Variants in FOXN3 observed in about 807,000 individuals in gnomAD.
FOXN3 encodes forkhead box protein N3.
FOXN3 carries 7 observed loss-of-function variants against 38.4 expected under a neutral mutation model. The ratio of observed to expected loss-of-function variants is 0.18; its 90% CI spans 0.10 to 0.34. The LOEUF (loss-of-function observed/expected upper bound fraction) is 0.34, where lower values mean the gene tolerates loss of function less well. FOXN3 is among the 10% of genes least tolerant of loss of function. The pLI is 1.00. For synonymous variants in FOXN3, 230 were observed against 242.2 expected, an observed-to-expected ratio of 0.95 and a Z score of 0.47; for missense variants, 456 against 613.4, an observed-to-expected ratio of 0.74 and a Z score of 2.71.
At chr14:89,455,595 G>A (rs980123578) in intron 1 of FOXN3, among the ~76,000 whole-genome samples, 1 of 152,116 alleles carries the variant, frequency 6.6e-6, no homozygotes, top group Non-Finnish European at 1.5e-5. Flanking sequence ...TGAGTGAGCC[G>A]GCCACAGCCA....
intron 3 of FOXN3, among the ~76,000 whole-genome samples, chr14:89,293,259 T>C (rs1041266402): frequency 6.6e-6 from 1 of 152,358 alleles, no homozygotes; most frequent in East Asian, 1.9e-4. Flanking sequence ...TCTGCCTTGC[T>C]TGCCAGTTCC....
intron 3 of FOXN3, among the ~76,000 whole-genome samples, chr14:89,337,426 T>C (rs1045303529): frequency 3.3e-5 from 5 of 152,042 alleles, no homozygotes; most frequent in African/African-American, 4.8e-5. Context: ...AAGAACACAA[T>C]TGAGTGTTTG....
chr14:89,478,764 T>C (rs1029635101), intron 1 of FOXN3, among the ~76,000 whole-genome samples: 1 of 151,712 alleles, frequency 6.6e-6, no homozygotes, highest in Non-Finnish European at 1.5e-5. Flanking sequence ...AAACCCTGTC[T>C]CTACTGAAAA....
At chr14:89,224,037 T>C (rs1387765503) in intron 4 of FOXN3, among the ~76,000 whole-genome samples, 1 of 152,218 alleles carries the variant, frequency 6.6e-6, no homozygotes, top group Admixed American at 6.5e-5. Context: ...AGACTTTAAC[T>C]TAAAATGTGG....
intron 4 of FOXN3, among the ~76,000 whole-genome samples, chr14:89,213,774 C>G (rs766003345): frequency 1.3e-5 from 2 of 151,890 alleles, no homozygotes; most frequent in Non-Finnish European, 2.9e-5. Flanking sequence ...AGACTGCCCC[C>G]ACCCCAGAGG....
intron 4 of FOXN3, among the ~76,000 whole-genome samples, chr14:89,276,147 T>C (rs1337553506): frequency 6.6e-6 from 1 of 152,000 alleles, no homozygotes; most frequent in East Asian, 1.9e-4. Flanking sequence ...AGTGGGGTAG[T>C]GGATGCCTGT....
chr14:89,559,100 C>G (rs949638213), intron 1 of FOXN3, among the ~76,000 whole-genome samples: 14 of 152,004 alleles, frequency 9.2e-5, no homozygotes, highest in African/African-American at 3.1e-4. Context: ...TGGCTCACAC[C>G]GGTAATCCCA....
intron 3 of FOXN3, among the ~76,000 whole-genome samples, chr14:89,341,045 C>T (rs1888599835): frequency 6.6e-6 from 1 of 152,114 alleles, no homozygotes; most frequent in Non-Finnish European, 1.5e-5. Context: ...ACTGTCATGG[C>T]AGCCCAAGAA....
intron 2 of FOXN3, among the ~76,000 whole-genome samples, chr14:89,371,167 A>G (rs76339962): frequency 0.022 from 3,383 of 152,230 alleles, 130 homozygotes; most frequent in African/African-American, 0.076. Flanking sequence ...CCAGGGTCAG[A>G]GAGGCTGCGA....
At chr14:89,381,294 G>A (rs1403961238) in intron 2 of FOXN3, among the ~76,000 whole-genome samples, 2 of 151,794 alleles carry the variant, frequency 1.3e-5, no homozygotes, top group East Asian at 3.9e-4. Flanking sequence ...TGTGGACTAT[G>A]TACTCCCAGG....
intron 4 of FOXN3, among the ~76,000 whole-genome samples, chr14:89,280,121 G>A (rs1886414836): frequency 6.6e-6 from 1 of 152,204 alleles, no homozygotes; most frequent in Non-Finnish European, 1.5e-5. Context: ...CCAATCAACA[G>A]AAGTAGGAGG....
intron 4 of FOXN3, among the ~76,000 whole-genome samples, chr14:89,185,069 C>T (rs930493273): frequency 6.6e-6 from 1 of 152,212 alleles, no homozygotes; most frequent in African/African-American, 2.4e-5. Context: ...CCTCACAAGA[C>T]TCCTGGCATG....
chr14:89,604,235 A>ACT (rs1159832244), intron 1 of FOXN3, among the ~76,000 whole-genome samples: 1 of 135,932 alleles, frequency 7.4e-6, no homozygotes, highest in Non-Finnish European at 1.6e-5. Flanking sequence ...ACACACACAC[A>ACT]CACACGTGCG....
chr14:89,395,580 G>A (rs1004803629), intron 2 of FOXN3, among the ~76,000 whole-genome samples: 8 of 151,998 alleles, frequency 5.3e-5, no homozygotes, highest in African/African-American at 1.7e-4. Flanking sequence ...TCTCCCACTA[G>A]ACTAGAAATT....
At chr14:89,237,857 A>ATC (rs1173584192) in intron 4 of FOXN3, among the ~76,000 whole-genome samples, 1 of 152,168 alleles carries the variant, frequency 6.6e-6, no homozygotes, top group Non-Finnish European at 1.5e-5. Context: ...ATGACATCAC[A>ATC]TCTATCTATC....
At chr14:89,609,599 T>C (rs552753889) in intron 1 of FOXN3, among the ~76,000 whole-genome samples, 16 of 152,236 alleles carry the variant, frequency 1.1e-4, no homozygotes, top group Middle Eastern at 3.4e-3. Flanking sequence ...TTTATTTCCA[T>C]AGTACTTATG....
chr14:89,485,142 A>ACT (rs1893420070), intron 1 of FOXN3, among the ~76,000 whole-genome samples: 3 of 93,064 alleles, frequency 3.2e-5, no homozygotes, highest in South Asian at 3.9e-4. Flanking sequence ...ACAGAGCAAG[A>ACT]CTCTCTCAAA....
chr14:89,488,289 G>A (rs189630602), intron 1 of FOXN3, among the ~76,000 whole-genome samples: 2 of 152,010 alleles, frequency 1.3e-5, no homozygotes, highest in African/African-American at 2.4e-5. Context: ...CGCCATGTTG[G>A]TCAGGCTGGG....
intron 3 of FOXN3, among the ~76,000 whole-genome samples, chr14:89,306,985 A>G (rs1262133302): frequency 6.6e-6 from 1 of 152,218 alleles, no homozygotes; most frequent in Non-Finnish European, 1.5e-5. Context: ...CTTCATAGAA[A>G]AAGTTTGCAG....
Sources: allele counts gnomAD v4.1 joint callset (sites outside exome capture counted in the v4.1 genomes callset), GRCh38; gene constraint gnomAD v4.1.1; transcripts MANE v1.5; gene names NCBI Gene and HGNC (gene_info 2026-07-23, HGNC 2026-07-21).